MICU3: variants seen among roughly 807,000 people sequenced by gnomAD.
The protein encoded by MICU3 is mitochondrial calcium uptake 3.
A neutral mutation model predicts 66.5 loss-of-function variants in MICU3; 62 were observed. That is an observed-to-expected ratio of 0.93 (90% CI 0.76 to 1.15). MICU3 has a LOEUF of 1.15. Among genes scored for constraint, MICU3 ranks in the 50% most tolerant of loss-of-function variants. The pLI is 0.00. For missense variants in MICU3, 779 were observed against 664.4 expected (o/e 1.17, Z -1.90); for synonymous variants, 308 against 240.7 (o/e 1.28, Z -2.59).
chr8:17,037,598 A>G (rs1014391978), intron 1 of MICU3, among the ~76,000 whole-genome samples: 18 of 152,168 alleles, frequency 1.2e-4, no homozygotes, highest in African/African-American at 4.3e-4. Context: ...TGCAGAAGGG[A>G]TATGTGGGGT....
intron 2 of MICU3, among the ~76,000 whole-genome samples, chr8:17,066,332 T>G (rs1818669010): frequency 6.6e-6 from 1 of 151,586 alleles, no homozygotes. Context: ...ACTTACGATA[T>G]TATAAGACGA....
chr8:17,038,393 G>A (rs762144326), intron 1 of MICU3, among the ~76,000 whole-genome samples: 2 of 152,150 alleles, frequency 1.3e-5, no homozygotes, highest in African/African-American at 4.8e-5. Context: ...CTTGACTGCT[G>A]CCATGTTAAG....
chr8:17,051,585 C>A (rs936830059), intron 1 of MICU3, among the ~76,000 whole-genome samples: 2 of 152,016 alleles, frequency 1.3e-5, no homozygotes, highest in African/African-American at 2.4e-5. Flanking sequence ...ACAGGAATAC[C>A]CAGAGGGATA....
chr8:17,118,547 T>C (rs942975887), intron 13 of MICU3, among the ~76,000 whole-genome samples, 160 bp from the exon 14 acceptor site: 30 of 152,194 alleles, frequency 2.0e-4, no homozygotes, highest in African/African-American at 6.8e-4. Context: ...TTTGGTCACC[T>C]TCCCCCTTTC....
chr8:17,101,452 T>C (rs2150803117), intron 9 of MICU3, among the ~76,000 whole-genome samples: 1 of 152,026 alleles, frequency 6.6e-6, no homozygotes, highest in South Asian at 2.1e-4. Flanking sequence ...ATTTCTCTGA[T>C]GTCACTGTTA....
chr8:17,034,201 A>G (rs1234646542), intron 1 of MICU3, among the ~76,000 whole-genome samples: 1 of 152,226 alleles, frequency 6.6e-6, no homozygotes, highest in Non-Finnish European at 1.5e-5. Flanking sequence ...CAAAGCTTGG[A>G]TGACAACACA....
chr8:17,128,905 TCTGA>T, the MICU3 span, among the ~76,000 whole-genome samples: 1 of 152,136 alleles, frequency 6.6e-6, no homozygotes, highest in African/African-American at 2.4e-5. Context: ...TACTGTTAAG[TCTGA>T]CTGAATACTA....
At chr8:17,072,556 A>G (rs1277500941) in intron 3 of MICU3, among the ~76,000 whole-genome samples, 1 of 152,202 alleles carries the variant, frequency 6.6e-6, no homozygotes, top group African/African-American at 2.4e-5. Flanking sequence ...CAGTGTAAAC[A>G]ATGTTAAAAG....
Position 17,122,124 on chromosome 8 carries a change from A to G in MICU3, c.*1837A>G, listed in dbSNP as rs1213199037. On this transcript the variant is annotated 3_prime_UTR_variant, in exon 15 of 15. Transcript: ENST00000318063. ...TTCCCAAGGAAGAATAGCATTGTACATATGCAATCTTTATTTTATTCTTTA... is the reference window on the plus strand; with the variant it reads ...TTCCCAAGGAAGAATAGCATTGTACGTATGCAATCTTTATTTTATTCTTTA... 1 of 151,904 alleles carries G rather than the reference A, an allele frequency of 6.6e-6. No homozygotes were observed. 9.4% of individuals were successfully genotyped at this position (151,904 alleles called of 1,614,324 possible). A position where few individuals can be genotyped will look rare whatever the true frequency, so the allele number is the denominator to read the frequency against.
intron 3 of MICU3, among the ~76,000 whole-genome samples, chr8:17,073,355 G>T (rs1819891267): frequency 1.3e-5 from 2 of 151,942 alleles, no homozygotes; most frequent in Non-Finnish European, 2.9e-5. Flanking sequence ...ATTCTCATAG[G>T]AGCCCAAACC....
chr8:17,080,594 A>G (rs923971895), intron 4 of MICU3, among the ~76,000 whole-genome samples: 1 of 152,072 alleles, frequency 6.6e-6, no homozygotes, highest in African/African-American at 2.4e-5. Context: ...TAAGTATTGT[A>G]TCTTTATATA....
the MICU3 span, among the ~76,000 whole-genome samples, chr8:17,130,200 A>G: frequency 6.6e-6 from 1 of 152,194 alleles, no homozygotes; most frequent in Non-Finnish European, 1.5e-5. Flanking sequence ...ATGTTTAGTA[A>G]AATATACAAT....
At chr8:17,129,307 G>C in the MICU3 span, among the ~76,000 whole-genome samples, 1 of 152,098 alleles carries the variant, frequency 6.6e-6, no homozygotes, top group Non-Finnish European at 1.5e-5. Context: ...AGGGGAGAAA[G>C]TCATTCATAG....
Position 17,027,360 on chromosome 8 carries a change from G to A in MICU3, c.81G>A (p.Pro27=), listed in dbSNP as rs968432025. 4 of 1,502,924 alleles carry A rather than the reference G, an allele frequency of 2.7e-6. No individual in the cohort carries two copies. Among genetic ancestry groups the A allele is most frequent in the Admixed American group, 4.5e-5 (2 of 44,698 alleles). The allele number at this position is 1,502,924 out of a possible 1,614,324, so 93.1% of individuals were successfully genotyped here. A position where few individuals can be genotyped will look rare whatever the true frequency, so the allele number is the denominator to read the frequency against. ...GCGCTCACCAGCCCCTCCTTGGGCC[G>A]TGGGGGCGGCCTGCGGTGACCACCC... ...PLCAHQPLLG[P]WGRPAVTTLG... Residue 27 remains proline (P), a synonymous_variant, in exon 1 of 15, where the codon CCG becomes CCA. Transcript: ENST00000318063.
chr8:17,075,382 C>T (rs1820227662), intron 3 of MICU3, among the ~76,000 whole-genome samples: 1 of 152,178 alleles, frequency 6.6e-6, no homozygotes, highest in South Asian at 2.1e-4. Context: ...TCTGTAATCA[C>T]AGTTATTCTT....
chr8:17,074,048 CT>C (rs1228693271), intron 3 of MICU3, among the ~76,000 whole-genome samples: 1 of 150,820 alleles, frequency 6.6e-6, no homozygotes, highest in Non-Finnish European at 1.5e-5. Context: ...TTTTCTTTTT[CT>C]TTTTGGTTTT....
At chr8:17,119,115 G>C (rs1431133703) in intron 14 of MICU3, among the ~76,000 whole-genome samples, 1 of 152,106 alleles carries the variant, frequency 6.6e-6, no homozygotes, top group Non-Finnish European at 1.5e-5. Context: ...ACTATATTAA[G>C]TGTTCTTCCA....
At chr8:17,118,597 A>C in intron 13 of MICU3, 110 bp from the exon 14 acceptor site, 1 of 650,458 alleles carries the variant, frequency 1.5e-6, no homozygotes, top group South Asian at 2.4e-5. Context: ...GGTAATTAAC[A>C]TTCTACTCTC....
At chr8:17,033,870 A>C (rs1361841363) in intron 1 of MICU3, among the ~76,000 whole-genome samples, 1 of 152,214 alleles carries the variant, frequency 6.6e-6, no homozygotes, top group East Asian at 1.9e-4. Context: ...GGTGAAGTGG[A>C]AATGATGATG....
Sources: gnomAD v4.1 joint callset for allele counts (sites outside exome capture counted in the v4.1 genomes callset) on GRCh38, gnomAD v4.1.1 for gene constraint, MANE v1.5 for transcripts, NCBI Gene and HGNC (gene_info 2026-07-23, HGNC 2026-07-21) for gene names.